Variants in CIMAP1D observed in about 807,000 individuals in gnomAD.
CIMAP1D encodes the protein CIMAP1 family member D, also known as protein CIMAP1D.
the CIMAP1D span, chr19:490,240 C>T: frequency 6.6e-6 from 2 of 301,882 alleles, no homozygotes; most frequent in Non-Finnish European, 1.2e-5. Flanking sequence ...CCTGTGGTCC[C>T]ACCTACTTGG....
At chr19:487,504 G>A in the CIMAP1D span, among the ~76,000 whole-genome samples, 3 of 152,200 alleles carry the variant, frequency 2.0e-5, no homozygotes, top group African/African-American at 7.2e-5. Context: ...CATACAGCAG[G>A]CACTCAATAA....
At chr19:485,546 T>C in the CIMAP1D span, among the ~76,000 whole-genome samples, 1 of 152,128 alleles carries the variant, frequency 6.6e-6, no homozygotes. Context: ...TCACTGACGG[T>C]GGAGAAGGGT....
At chr19:485,562 G>A in the CIMAP1D span, among the ~76,000 whole-genome samples, 1 of 152,268 alleles carries the variant, frequency 6.6e-6, no homozygotes, top group Non-Finnish European at 1.5e-5. Context: ...AGGGTGATCA[G>A]AGAATGGTGG....
chr19:481,114 AAGG>A, the CIMAP1D span, among the ~76,000 whole-genome samples: 4 of 125,290 alleles, frequency 3.2e-5, no homozygotes, highest in African/African-American at 1.5e-4. Flanking sequence ...GATGATGGAG[AAGG>A]AATGTGGGAA....
At chr19:480,045 G>T in the CIMAP1D span, among the ~76,000 whole-genome samples, 1 of 152,240 alleles carries the variant, frequency 6.6e-6, no homozygotes, top group Non-Finnish European at 1.5e-5. Flanking sequence ...GAGCGTCTGC[G>T]ATGTGAACTG....
At chr19:466,945 G>A in the CIMAP1D span, among the ~76,000 whole-genome samples, 1 of 88,196 alleles carries the variant, frequency 1.1e-5, no homozygotes, top group Non-Finnish European at 2.4e-5. Flanking sequence ...AGGGTGGATG[G>A]GCGGGTGGAT....
chr19:489,736 C>G, the CIMAP1D span: 6 of 317,644 alleles, frequency 1.9e-5, no homozygotes, highest in Non-Finnish European at 3.4e-5. Context: ...GGATTGCGGC[C>G]GGGGGAGAAC....
chr19:466,301 G>GGATT, the CIMAP1D span, among the ~76,000 whole-genome samples: 6 of 70,128 alleles, frequency 8.6e-5, no homozygotes, highest in Admixed American at 2.0e-4. Flanking sequence ...ATGGATGAGT[G>GGATT]GATGGATGGG....
chr19:483,740 G>A, the CIMAP1D span, among the ~76,000 whole-genome samples: 3 of 152,198 alleles, frequency 2.0e-5, no homozygotes, highest in African/African-American at 7.2e-5. Flanking sequence ...TTCCTCTCAT[G>A]GGTCCCCGGA....
the CIMAP1D span, among the ~76,000 whole-genome samples, chr19:484,907 C>A: frequency 5.0e-3 from 765 of 152,116 alleles, 10 homozygotes; most frequent in African/African-American, 0.017. Flanking sequence ...TTGAAGGAAT[C>A]GACTGAGGGT....
chr19:475,432 A>G, the CIMAP1D span, among the ~76,000 whole-genome samples: 1 of 152,182 alleles, frequency 6.6e-6, no homozygotes, highest in Non-Finnish European at 1.5e-5. Flanking sequence ...CTGGTGTATG[A>G]GGAGGCACTG....
At chr19:485,036 C>T in the CIMAP1D span, among the ~76,000 whole-genome samples, 2 of 151,852 alleles carry the variant, frequency 1.3e-5, no homozygotes, top group Non-Finnish European at 2.9e-5. Context: ...CTGGGCCTGT[C>T]TTGAAGGCAG....
the CIMAP1D span, chr19:467,905 G>A: frequency 1.0e-5 from 6 of 601,946 alleles, no homozygotes; most frequent in Non-Finnish European, 1.8e-5. Context: ...GGTCACCCCA[G>A]GGGCCCTGAG....
the CIMAP1D span, chr19:474,638 G>A: frequency 3.8e-5 from 60 of 1,566,796 alleles, no homozygotes; most frequent in Admixed American, 7.1e-5. Context: ...CAGGGTGGCC[G>A]TCCCACAGGA....
At chr19:469,096 A>G in the CIMAP1D span, among the ~76,000 whole-genome samples, 2 of 152,160 alleles carry the variant, frequency 1.3e-5, no homozygotes, top group Non-Finnish European at 2.9e-5. Context: ...TCCAAGGGTG[A>G]TCACTGACCC....
chr19:463,884 G>A, the CIMAP1D span: 4 of 1,610,996 alleles, frequency 2.5e-6, no homozygotes, highest in Middle Eastern at 1.8e-4. Flanking sequence ...CGCAGGCCGG[G>A]AGGGCGTGGT....
the CIMAP1D span, chr19:467,813 C>T: frequency 5.8e-6 from 7 of 1,202,558 alleles, no homozygotes; most frequent in South Asian, 4.2e-5. Context: ...ACAGTGCCTG[C>T]CCCACCGCCC....
At chr19:487,234 T>C in the CIMAP1D span, among the ~76,000 whole-genome samples, 1 of 151,978 alleles carries the variant, frequency 6.6e-6, no homozygotes, top group Non-Finnish European at 1.5e-5. Flanking sequence ...GCTGGTTGGC[T>C]CATGTTGGCA....
the CIMAP1D span, among the ~76,000 whole-genome samples, chr19:484,492 G>A: frequency 4.6e-5 from 7 of 152,306 alleles, no homozygotes; most frequent in South Asian, 2.1e-4. Context: ...GCTGGAGTGT[G>A]CAGTGACGTG....
Sources: gnomAD v4.1 joint callset for allele counts (sites outside exome capture counted in the v4.1 genomes callset) on GRCh38, gnomAD v4.1.1 for gene constraint, MANE v1.5 for transcripts, NCBI Gene and HGNC (gene_info 2026-07-23, HGNC 2026-07-21) for gene names.